The following XRCC5 variants were observed in gnomAD, a reference collection of about 807,000 sequenced individuals.
The protein encoded by XRCC5 is X-ray repair cross complementing 5, also known as DNA repair protein Ku80.
A neutral mutation model predicts 95.7 loss-of-function variants in XRCC5; 12 were observed. The ratio of observed to expected loss-of-function variants is 0.13; its 90% CI spans 0.08 to 0.20. XRCC5 has a LOEUF of 0.20. Ranked by LOEUF, XRCC5 falls within the 10% of genes least tolerant of loss-of-function variation. XRCC5 has a pLI of 1.00. For missense variants in XRCC5, 595 were observed against 873.9 expected (o/e 0.68, Z 4.02); for synonymous variants, 281 against 290.3 (o/e 0.97, Z 0.33).
intron 3 of XRCC5, chr2:216,117,410 A>G: frequency 3.5e-6 from 1 of 288,214 alleles, no homozygotes; most frequent in Non-Finnish European, 6.6e-6. Context: ...TGCAAATGCT[A>G]CATTATGGTT....
chr2:216,176,632 T>C (rs531276669), intron 16 of XRCC5, among the ~76,000 whole-genome samples: 2 of 152,290 alleles, frequency 1.3e-5, no homozygotes, highest in Admixed American at 1.3e-4. Flanking sequence ...GGTAAAGGCT[T>C]ATGGATTTTA....
intron 16 of XRCC5, among the ~76,000 whole-genome samples, chr2:216,172,330 T>A (rs922079025): frequency 2.6e-5 from 4 of 151,926 alleles, no homozygotes; most frequent in African/African-American, 9.7e-5. Context: ...ACAAAGGGCC[T>A]CAGAAGGAAA....
At chr2:216,140,409 G>A (rs898948236) in intron 12 of XRCC5, among the ~76,000 whole-genome samples, 2 of 152,234 alleles carry the variant, frequency 1.3e-5, no homozygotes, top group African/African-American at 2.4e-5. Context: ...GTTACACACA[G>A]TAGTTTAGGC....
At chr2:216,188,444 G>A (rs1461342134) in intron 16 of XRCC5, among the ~76,000 whole-genome samples, 2 of 152,194 alleles carry the variant, frequency 1.3e-5, no homozygotes, top group Non-Finnish European at 2.9e-5. Context: ...CTTCTACATA[G>A]TAGTTGCACA....
At chr2:216,119,257 AT>A in intron 5 of XRCC5, 92 bp downstream of exon 5, 13 of 1,433,812 alleles carry the variant, frequency 9.1e-6, no homozygotes, top group Non-Finnish European at 1.2e-5. Flanking sequence ...GTTTATGGGA[AT>A]TTTCGCTTTC....
At chr2:216,132,109 A>G (rs1559242006) in intron 9 of XRCC5, among the ~76,000 whole-genome samples, 1 of 152,166 alleles carries the variant, frequency 6.6e-6, no homozygotes, top group South Asian at 2.1e-4. Context: ...TGTTTTGTTC[A>G]CTGTTGTGTT....
chr2:216,163,518 G>C (rs1688993339), intron 16 of XRCC5, among the ~76,000 whole-genome samples: 1 of 151,950 alleles, frequency 6.6e-6, no homozygotes, highest in Non-Finnish European at 1.5e-5. Flanking sequence ...TTGAACTCTT[G>C]ACCTCAAGTG....
intron 13 of XRCC5, among the ~76,000 whole-genome samples, chr2:216,143,757 G>A (rs1353939026): frequency 6.6e-6 from 1 of 151,582 alleles, no homozygotes; most frequent in Non-Finnish European, 1.5e-5. Flanking sequence ...ACCCAGGCTG[G>A]AGTGCAGTGG....
intron 14 of XRCC5, among the ~76,000 whole-genome samples, chr2:216,153,613 T>C (rs1049710522): frequency 1.3e-5 from 2 of 152,216 alleles, no homozygotes; most frequent in African/African-American, 4.8e-5. Flanking sequence ...TCCTATGAAG[T>C]AGATTCTTCT....
intron 16 of XRCC5, among the ~76,000 whole-genome samples, chr2:216,183,666 G>T (rs1407591247): frequency 2.0e-5 from 3 of 152,118 alleles, no homozygotes; most frequent in Non-Finnish European, 2.9e-5. Flanking sequence ...GTTCTGAAAG[G>T]GAAGCAGGGA....
At chr2:216,176,307 C>T (rs901961700) in intron 16 of XRCC5, among the ~76,000 whole-genome samples, 19 of 151,954 alleles carry the variant, frequency 1.3e-4, no homozygotes, top group Admixed American at 7.2e-4. Context: ...TTAGTGGAGA[C>T]GGGATTTCAC....
At position 216,109,358 on chromosome 2, in the gene XRCC5, G is replaced by T. The variant is rs1696542394; in HGVS notation, c.-79G>T. ...GAAGCGGCTCTTTCCGCTATCTGCC[G>T]CTTGTCCACCGGAAGCGAGTTGCGA... On this transcript the variant is annotated 5_prime_UTR_variant, in exon 1 of 21. Transcript: ENST00000392132. The T allele has an allele frequency of 5.0e-6, 8 of 1,607,870 alleles. No homozygotes were observed. The highest frequency in any genetic ancestry group is 6.8e-6 in the Non-Finnish European group (8 of 1,176,970).
Position 216,177,730 on chromosome 2 carries a change from C to G in XRCC5, c.1835-12495C>G, listed in dbSNP as rs41302472. On this transcript the variant is annotated intron_variant, in intron 16 of 20. Transcript: ENST00000392132. ...GGTTCATTATTCCTTTCATTTGTTT[C>G]TTCTTTTGTCCCATTTTTGTCAAGC... is the stretch of plus-strand genomic sequence containing the variant. Among the ~76,000 whole-genome samples, 647 of 152,200 alleles carry G rather than the reference C, an allele frequency of 4.3e-3. 2 individuals are homozygous for G. The highest frequency in any genetic ancestry group is 0.015 in the African/African-American group (626 of 41,534).
rs41302470 is a variant in XRCC5, at chr2:216,177,704, A to G, written c.1835-12521A>G. ...ATGTTTATAGATTTTGAAAATTTAT[A>G]GGTTCATTATTCCTTTCATTTGTTT... On this transcript the variant is annotated intron_variant, in intron 16 of 20. Transcript: ENST00000392132. 4.1e-3 allele frequency among the ~76,000 whole-genome samples: 624 copies of G among 152,302 alleles called. 4 individuals carry two copies. The highest frequency in any genetic ancestry group is 0.015 in the African/African-American group (603 of 41,572).
At chr2:216,187,815 ACACACACTCTCTCTCTCTCTCTCT>A (rs1298544588) in intron 16 of XRCC5, among the ~76,000 whole-genome samples, 8 of 90,376 alleles carry the variant, frequency 8.9e-5, no homozygotes, top group Admixed American at 6.2e-4. Flanking sequence ...ACACACACAC[ACACACACTCTCTCTCTCTCTCTCT>A]CTCTCTCTCT....
intron 19 of XRCC5, among the ~76,000 whole-genome samples, chr2:216,198,533 T>A (rs1049818962): frequency 2.7e-5 from 4 of 147,892 alleles, no homozygotes; most frequent in African/African-American, 7.5e-5. Flanking sequence ...TGAAAAATGC[T>A]TTTATTTATT....
intron 13 of XRCC5, 140 bp from the exon 14 acceptor site, chr2:216,147,943 G>A: frequency 1.1e-6 from 1 of 907,088 alleles, no homozygotes; most frequent in Non-Finnish European, 1.7e-6. Flanking sequence ...GGTTCTAGGT[G>A]AATCCTCTTG....
intron 14 of XRCC5, among the ~76,000 whole-genome samples, chr2:216,149,417 T>C (rs1244256550): frequency 6.6e-6 from 1 of 152,212 alleles, no homozygotes; most frequent in Non-Finnish European, 1.5e-5. Context: ...TTCTTACACA[T>C]CCTGGAGAGG....
chr2:216,121,948 G>T, intron 5 of XRCC5, 114 bp from the exon 6 acceptor site: 12 of 941,026 alleles, frequency 1.3e-5, no homozygotes, highest in East Asian at 2.7e-5. Context: ...AGAGTCGTTT[G>T]ACAGATGAGA....
Sources: allele counts gnomAD v4.1 joint callset (sites outside exome capture counted in the v4.1 genomes callset), GRCh38; gene constraint gnomAD v4.1.1; transcripts MANE v1.5; gene names NCBI Gene and HGNC (gene_info 2026-07-23, HGNC 2026-07-21).